CLNK: variants seen among roughly 807,000 people sequenced by gnomAD.
The protein encoded by CLNK is cytokine dependent hematopoietic cell linker, also known as cytokine-dependent hematopoietic cell linker.
CLNK carries 74 observed loss-of-function variants against 68.6 expected under a neutral mutation model. The observed-to-expected ratio is 1.08, with a 90% CI of 0.89 to 1.31. The LOEUF is 1.31. Among genes scored for constraint, CLNK ranks in the 50% most tolerant of loss-of-function variants. The probability of loss-of-function intolerance (pLI) is 0.00; values close to 1 mark genes in which losing one functional copy is unlikely to be tolerated. For synonymous variants in CLNK, 198 were observed against 172.2 expected (o/e 1.15, Z -1.17); for missense variants, 553 against 515.3 (o/e 1.07, Z -0.71).
chr4:10,616,812 A>G (rs1032541484), intron 2 of CLNK, among the ~76,000 whole-genome samples: 22 of 64,822 alleles, frequency 3.4e-4, no homozygotes, highest in South Asian at 2.7e-3. Flanking sequence ...ATATATATAT[A>G]TATATATATA....
At chr4:10,614,465 T>C (rs552711663) in intron 2 of CLNK, among the ~76,000 whole-genome samples, 3 of 152,284 alleles carry the variant, frequency 2.0e-5, no homozygotes, top group Admixed American at 2.0e-4. Context: ...TTGAATATCA[T>C]CGACATTAAG....
At chr4:10,646,399 C>T (rs1324966006) in intron 2 of CLNK, among the ~76,000 whole-genome samples, 1 of 152,162 alleles carries the variant, frequency 6.6e-6, no homozygotes, top group Non-Finnish European at 1.5e-5. Context: ...AAGGGTCAGT[C>T]TATGTTACTT....
At chr4:10,617,668 T>A (rs1722288772) in intron 2 of CLNK, among the ~76,000 whole-genome samples, 1 of 152,338 alleles carries the variant, frequency 6.6e-6, no homozygotes, top group South Asian at 2.1e-4. Flanking sequence ...TTGAAGCTTA[T>A]GGTTTGATTT....
At chr4:10,560,114 C>T (rs898170214) in intron 7 of CLNK, among the ~76,000 whole-genome samples, 1 of 152,186 alleles carries the variant, frequency 6.6e-6, no homozygotes, top group Non-Finnish European at 1.5e-5. Context: ...TCAGACCCCT[C>T]CAATGGCACT....
chr4:10,708,227 G>A, the CLNK span, among the ~76,000 whole-genome samples: 234 of 152,236 alleles, frequency 1.5e-3, no homozygotes, highest in African/African-American at 5.4e-3. Flanking sequence ...TTTCGCATCC[G>A]AAAGTAGGAG....
rs979149004 is a variant in CLNK at position 10,487,884 on chromosome 4, G to C, written c.*2583C>G. The C allele has an allele frequency of 7.9e-5, 12 of 151,936 alleles. No individual in the cohort carries two copies. Among genetic ancestry groups the C allele is most frequent in the African/African-American group, 2.9e-4 (12 of 41,328 alleles). 9.4% of individuals were successfully genotyped at this position (151,936 alleles called of 1,614,324 possible). ...AAGCCCACCCCATACCCATACTTCT[G>C]TTTCTTCTCCCTTTTATCTTTCTCA... On this transcript the variant is annotated 3_prime_UTR_variant, in exon 19 of 19. Coordinates refer to ENST00000226951, the MANE Select transcript of CLNK (RefSeq NM_052964.4).
chr4:10,659,235 T>C (rs1396039834), intron 2 of CLNK, among the ~76,000 whole-genome samples: 3 of 152,184 alleles, frequency 2.0e-5, no homozygotes, highest in Non-Finnish European at 4.4e-5. Flanking sequence ...AAAAAAATGG[T>C]AATTGCTAAA....
intron 1 of CLNK, among the ~76,000 whole-genome samples, chr4:10,676,222 G>A (rs575750166): frequency 6.6e-6 from 1 of 152,144 alleles, no homozygotes; most frequent in Admixed American, 6.6e-5. Context: ...AAATGAGAAA[G>A]TTACATTTTA....
At chr4:10,713,486 G>C in the CLNK span, among the ~76,000 whole-genome samples, 1 of 152,172 alleles carries the variant, frequency 6.6e-6, no homozygotes, top group African/African-American at 2.4e-5. Flanking sequence ...TGCAGGGGAA[G>C]ATGAGGTCAT....
intron 2 of CLNK, among the ~76,000 whole-genome samples, chr4:10,619,680 T>C (rs1358438128): frequency 6.6e-6 from 1 of 152,174 alleles, no homozygotes; most frequent in Non-Finnish European, 1.5e-5. Flanking sequence ...AATAGATCTC[T>C]CTGATCTTCA....
In CLNK at chr4:10,490,228, A is replaced by T. The variant is rs11725527; in HGVS notation, c.*239T>A. ...TTTTAAAACCCTAGTTTTTATTTTT[A>T]TTTATTTTCCAGTGGCCAGTTACTA... On this transcript the variant is annotated 3_prime_UTR_variant, in exon 19 of 19. Coordinates refer to ENST00000226951, the MANE Select transcript of CLNK (RefSeq NM_052964.4). 1 of 382,046 alleles carries T rather than the reference A, an allele frequency of 2.6e-6. No individual in the cohort carries two copies. Among genetic ancestry groups the T allele is most frequent in the Non-Finnish European group, 4.6e-6 (1 of 217,226 alleles). The allele number at this position is 382,046 out of a possible 1,614,324, so 23.7% of individuals were successfully genotyped here. A position where few individuals can be genotyped will look rare whatever the true frequency, so the allele number is the denominator to read the frequency against.
intron 18 of CLNK, among the ~76,000 whole-genome samples, chr4:10,493,097 A>C (rs7661796): frequency 0.14 from 21,528 of 152,188 alleles, 2,486 homozygotes; most frequent in African/African-American, 0.31. Flanking sequence ...TGGGCAGAAC[A>C]CTTAAGGTCA....
At chr4:10,696,894 T>C in the CLNK span, among the ~76,000 whole-genome samples, 1 of 152,216 alleles carries the variant, frequency 6.6e-6, no homozygotes, top group Non-Finnish European at 1.5e-5. Context: ...AAAATGCAGA[T>C]TCCAGGGCCC....
chr4:10,531,424 TTTTA>T (rs1718532869), intron 12 of CLNK: 1 of 153,720 alleles, frequency 6.5e-6, no homozygotes, highest in African/African-American at 2.4e-5. Flanking sequence ...TTTATTTTAT[TTTTA>T]TTTATTTAAT....
chr4:10,716,945 C>T, the CLNK span, among the ~76,000 whole-genome samples: 1 of 151,900 alleles, frequency 6.6e-6, no homozygotes, highest in Non-Finnish European at 1.5e-5. Context: ...CCGCCTGTCT[C>T]AGCCTCCCAA....
the CLNK span, among the ~76,000 whole-genome samples, chr4:10,720,185 G>A: frequency 6.6e-6 from 1 of 151,934 alleles, no homozygotes; most frequent in East Asian, 1.9e-4. Flanking sequence ...GAAGCCGAGA[G>A]AAGAAAACAA....
the CLNK span, among the ~76,000 whole-genome samples, chr4:10,732,354 C>T: frequency 6.6e-6 from 1 of 152,190 alleles, no homozygotes; most frequent in Non-Finnish European, 1.5e-5. Flanking sequence ...CCTGCAAAGG[C>T]CCTGTGGTGA....
chr4:10,548,731 C>A lies in CLNK; in HGVS notation c.446-6451G>T, dbSNP rs182105441. On this transcript the variant is annotated intron_variant, in intron 8 of 18. Transcript: ENST00000226951. ...CCTGTGCAGAGGAACAGGTCCTGCCCTGTTCTTCTGCACATTAATATCTAG... is the reference window on the plus strand; with the variant it reads ...CCTGTGCAGAGGAACAGGTCCTGCCATGTTCTTCTGCACATTAATATCTAG... Among the ~76,000 whole-genome samples, 3 of 152,314 alleles carry A rather than the reference C, an allele frequency of 2.0e-5. No homozygotes were observed. In the East Asian group the frequency reaches 5.8e-4, roughly 29 times the overall value.
intron 16 of CLNK, among the ~76,000 whole-genome samples, chr4:10,509,263 A>G (rs1455502601): frequency 2.0e-5 from 3 of 152,162 alleles, no homozygotes; most frequent in Admixed American, 1.3e-4. Flanking sequence ...TTCTGTTCAC[A>G]TGATGTGATG....
Sources: allele counts gnomAD v4.1 joint callset (sites outside exome capture counted in the v4.1 genomes callset), GRCh38; gene constraint gnomAD v4.1.1; transcripts MANE v1.5; gene names NCBI Gene and HGNC (gene_info 2026-07-23, HGNC 2026-07-21).